The following VAT1L variants were observed in gnomAD, a reference collection of about 807,000 sequenced individuals.
The protein encoded by VAT1L is vesicle amine transport 1 like, also known as putative NADPH-dependent quinone oxidoreductase VAT1L.
In VAT1L, 34 loss-of-function variants were observed where a neutral mutation model predicts 44.1. The observed-to-expected ratio is 0.77, with a 90% confidence interval of 0.59 to 1.03. The LOEUF (loss-of-function observed/expected upper bound fraction) is 1.03. Ranked by LOEUF, VAT1L falls within the 50% of genes least tolerant of loss-of-function variation. The pLI is 0.00. For missense variants in VAT1L, 615 were observed against 538.8 expected, an observed-to-expected ratio of 1.14 and a Z score of -1.40; for synonymous variants, 253 against 202.2, an observed-to-expected ratio of 1.25 and a Z score of -2.13.
At chr16:77,866,970 C>T (rs747131336) in intron 4 of VAT1L, among the ~76,000 whole-genome samples, 36 of 152,100 alleles carry the variant, frequency 2.4e-4, no homozygotes, top group East Asian at 3.9e-4. Flanking sequence ...GAGGGGGAAG[C>T]GTGAGAGAAT....
chr16:77,978,672 T>C lies in VAT1L; in HGVS notation c.*977T>C, dbSNP rs760173293. 2 of 152,348 alleles carry C rather than the reference T, an allele frequency of 1.3e-5. No individual in the cohort carries two copies. The highest frequency in any genetic ancestry group is 1.9e-4 in the East Asian group (1 of 5,182). 9.4% of individuals were successfully genotyped at this position (152,348 alleles called of 1,614,324 possible). A position where few individuals can be genotyped will look rare whatever the true frequency, so the allele number is the denominator to read the frequency against. On this transcript the variant is annotated 3_prime_UTR_variant, in exon 9 of 9. Coordinates refer to ENST00000302536, the MANE Select transcript of VAT1L (RefSeq NM_020927.3). ...TTCCTTGCCAAAGCATGTCCCAACA[T>C]GTAACAAACTCTAGGGATACAAAAG...
intron 3 of VAT1L, among the ~76,000 whole-genome samples, chr16:77,830,277 A>G (rs2016565179): frequency 6.6e-6 from 1 of 152,130 alleles, no homozygotes; most frequent in African/African-American, 2.4e-5. Flanking sequence ...TCTTTCCAAA[A>G]TGGTATTCTC....
At chr16:77,915,429 C>A (rs902795960) in intron 7 of VAT1L, among the ~76,000 whole-genome samples, 2 of 152,096 alleles carry the variant, frequency 1.3e-5, no homozygotes, top group African/African-American at 4.8e-5. Flanking sequence ...TGTTTAGAGT[C>A]CATCTGGGGG....
intron 7 of VAT1L, among the ~76,000 whole-genome samples, chr16:77,950,426 ACACACACACACAC>A (rs2018028900): frequency 6.7e-6 from 1 of 149,012 alleles, no homozygotes; most frequent in South Asian, 2.1e-4. Flanking sequence ...ACACACACAC[ACACACACACACAC>A]ACACACACAC....
intron 6 of VAT1L, among the ~76,000 whole-genome samples, chr16:77,883,198 T>A (rs1416618637): frequency 3.3e-5 from 5 of 152,222 alleles, no homozygotes; most frequent in African/African-American, 4.8e-5. Flanking sequence ...TAAATGCCCA[T>A]CACATTCCTC....
At chr16:77,915,995 T>A (rs2017548199) in intron 7 of VAT1L, among the ~76,000 whole-genome samples, 1 of 152,206 alleles carries the variant, frequency 6.6e-6, no homozygotes, top group Non-Finnish European at 1.5e-5. Context: ...GGAGCTGGCA[T>A]ACTTAAGCAT....
At chr16:77,803,417 C>CTTTTTTTTT (rs11379202) in intron 1 of VAT1L, among the ~76,000 whole-genome samples, 4 of 105,534 alleles carry the variant, frequency 3.8e-5, no homozygotes, top group Non-Finnish European at 5.3e-5. Flanking sequence ...ACTAGACATT[C>CTTTTTTTTT]TTTTTTTTTT....
intron 7 of VAT1L, among the ~76,000 whole-genome samples, chr16:77,908,023 C>T (rs888141022): frequency 6.6e-6 from 1 of 152,080 alleles, no homozygotes; most frequent in African/African-American, 2.4e-5. Context: ...AGTGGATCAC[C>T]AGGTCAGGAG....
At chr16:77,919,214 C>A (rs1192342899) in intron 7 of VAT1L, among the ~76,000 whole-genome samples, 7 of 117,114 alleles carry the variant, frequency 6.0e-5, no homozygotes, top group Non-Finnish European at 1.2e-4. Flanking sequence ...TTCTCTGCAA[C>A]CTAGGTGTCC....
At chr16:77,905,858 C>T (rs891764234) in intron 7 of VAT1L, among the ~76,000 whole-genome samples, 1 of 152,218 alleles carries the variant, frequency 6.6e-6, no homozygotes, top group Admixed American at 6.5e-5. Flanking sequence ...TACTGCATCT[C>T]TCCCTGACAT....
At chr16:77,864,456 C>T (rs980293318) in intron 4 of VAT1L, among the ~76,000 whole-genome samples, 6 of 151,926 alleles carry the variant, frequency 3.9e-5, no homozygotes, top group East Asian at 3.9e-4. Context: ...AAATACAAAA[C>T]GTAGATGAGC....
intron 7 of VAT1L, among the ~76,000 whole-genome samples, chr16:77,949,413 A>G (rs2018013047): frequency 6.6e-6 from 1 of 152,172 alleles, no homozygotes. Flanking sequence ...TAGAAAAAAG[A>G]ATAGGCAATG....
chr16:77,977,065 C>A (rs919635635), intron 8 of VAT1L, among the ~76,000 whole-genome samples: 2 of 152,204 alleles, frequency 1.3e-5, no homozygotes, highest in Non-Finnish European at 2.9e-5. Context: ...CCAGGGGCAC[C>A]TCTTGTGGGC....
chr16:77,964,925 G>C (rs918020177), intron 7 of VAT1L, among the ~76,000 whole-genome samples: 8 of 151,662 alleles, frequency 5.3e-5, no homozygotes, highest in Non-Finnish European at 1.0e-4. Flanking sequence ...CGAGTAGCTG[G>C]GATTACAGGC....
intron 2 of VAT1L, among the ~76,000 whole-genome samples, chr16:77,821,742 G>A (rs2016456767): frequency 6.6e-6 from 1 of 151,800 alleles, no homozygotes; most frequent in African/African-American, 2.4e-5. Flanking sequence ...AATTTAATTT[G>A]CTGTCTACTC....
intron 3 of VAT1L, among the ~76,000 whole-genome samples, chr16:77,846,947 C>T (rs1443141762): frequency 6.6e-6 from 1 of 152,132 alleles, no homozygotes; most frequent in Non-Finnish European, 1.5e-5. Context: ...TAGAGTATCT[C>T]TGAGATATGG....
chr16:77,864,232 G>A (rs1436709644), intron 4 of VAT1L, among the ~76,000 whole-genome samples: 2 of 152,118 alleles, frequency 1.3e-5, no homozygotes, highest in South Asian at 4.1e-4. Flanking sequence ...CCATTGTTTC[G>A]GCATTCTCAT....
chr16:77,965,820 C>G (rs1410867457), intron 7 of VAT1L, among the ~76,000 whole-genome samples: 1 of 152,198 alleles, frequency 6.6e-6, no homozygotes, highest in Admixed American at 6.5e-5. Flanking sequence ...CACATATCCA[C>G]TTTTTCATTC....
chr16:77,962,876 G>T (rs1344332441), intron 7 of VAT1L, among the ~76,000 whole-genome samples: 1 of 152,160 alleles, frequency 6.6e-6, no homozygotes, highest in Non-Finnish European at 1.5e-5. Flanking sequence ...AGCCTGGGAG[G>T]TAGAGGCTGC....
Sources: allele counts gnomAD v4.1 joint callset (sites outside exome capture counted in the v4.1 genomes callset), GRCh38; gene constraint gnomAD v4.1.1; transcripts MANE v1.5; gene names NCBI Gene and HGNC (gene_info 2026-07-23, HGNC 2026-07-21).